Variants in NDUFS2 observed in about 807,000 individuals in gnomAD.
NDUFS2 encodes NADH dehydrogenase [ubiquinone] iron-sulfur protein 2, mitochondrial.
Under a neutral mutation model 69.6 loss-of-function variants are expected in NDUFS2, and 38 were observed. The observed-to-expected ratio is 0.55, with a 90% CI of 0.42 to 0.72. The LOEUF (loss-of-function observed/expected upper bound fraction) is 0.72, where lower values mean the gene tolerates loss of function less well. Ranked by LOEUF, NDUFS2 falls within the 30% of genes least tolerant of loss-of-function variation. The pLI is 0.00. For synonymous variants in NDUFS2, 194 were observed against 211.2 expected (o/e 0.92, Z 0.70); for missense variants, 468 against 595.0 (o/e 0.79, Z 2.22).
chr1:161,202,871 C>T (rs1665223292), intron 1 of NDUFS2, among the ~76,000 whole-genome samples: 1 of 152,132 alleles, frequency 6.6e-6, no homozygotes, highest in African/African-American at 2.4e-5. Flanking sequence ...TATGAAGAAG[C>T]TAGGATCCCA....
intron 2 of NDUFS2, among the ~76,000 whole-genome samples, chr1:161,206,174 A>AG (rs1398307803): frequency 3.3e-5 from 5 of 152,244 alleles, no homozygotes; most frequent in Admixed American, 2.0e-4. Flanking sequence ...ATGAAAAAAA[A>AG]AAAGGTATTC....
chr1:161,213,979 T>A (rs767002452), intron 13 of NDUFS2, 58 bp downstream of exon 13: 1 of 1,614,000 alleles, frequency 6.2e-7, no homozygotes, highest in Non-Finnish European at 8.5e-7. Context: ...GGACGCCCAC[T>A]GGGGACAGAA....
upstream of NDUFS2, chr1:161,198,020 G>A (rs2102019096): frequency 6.3e-7 from 1 of 1,576,614 alleles, no homozygotes; most frequent in Non-Finnish European, 8.6e-7. This position sits in a 1 kb window ranked among gnomAD's most constrained non-coding sequence, Gnocchi z 4.7. Flanking sequence ...TCTGGGGCTG[G>A]GGCTTCCAAG....
chr1:161,210,828 T>G, intron 9 of NDUFS2, 118 bp downstream of exon 9: 1 of 1,464,630 alleles, frequency 6.8e-7, no homozygotes, highest in Non-Finnish European at 9.5e-7. Flanking sequence ...CTTGTGTGTG[T>G]TAGACGAGGT....
In NDUFS2 at chr1:161,213,926, G is replaced by C; in HGVS notation, c.1354+5G>C. 1 of 1,614,142 alleles carries C rather than the reference G, an allele frequency of 6.2e-7. No homozygotes were observed. Among genetic ancestry groups the C allele is most frequent in the Non-Finnish European group, 8.5e-7 (1 of 1,180,022 alleles). On this transcript the variant is annotated splice_donor_5th_base_variant and intron_variant, in intron 13 of 13. Coordinates refer to ENST00000676972, the MANE Select transcript of NDUFS2 (RefSeq NM_001377299.1). ...CAGATGTCGTTGCCATCATAGGTACGAGGCCTATTGTGTAGTAGAGGTATC... is the reference window on the plus strand; with the variant it reads ...CAGATGTCGTTGCCATCATAGGTACCAGGCCTATTGTGTAGTAGAGGTATC...
At position 161,206,582 on chromosome 1, in the gene NDUFS2, C is replaced by T. The variant is rs2102038027; in HGVS notation, c.378C>T (p.Tyr126=). The T allele has an allele frequency of 6.2e-7, 1 of 1,613,616 alleles. No homozygotes were observed. The highest frequency in any genetic ancestry group is 8.5e-7 in the Non-Finnish European group (1 of 1,180,004). Residue 126 remains tyrosine, a synonymous_variant, in exon 3 of 14, where the codon TAC becomes TAT. Transcript: ENST00000676972. The part of the protein sequence containing the change: ...LHRGTEKLIE[Y]KTYLQALPYF... ...GAGGCACTGAGAAGCTCATTGAATA[C>T]AAGACCTATCTTCAGGTGTGGGGGG...
intron 3 of NDUFS2, among the ~76,000 whole-genome samples, 162 bp from the exon 4 acceptor site, chr1:161,209,031 A>G (rs1174358334): frequency 2.0e-5 from 3 of 152,098 alleles, no homozygotes; most frequent in Non-Finnish European, 4.4e-5. Flanking sequence ...CTAGAATACT[A>G]CTGGTTTTTG....
chr1:161,205,760 C>G (rs1335817990), intron 2 of NDUFS2, among the ~76,000 whole-genome samples: 1 of 144,216 alleles, frequency 6.9e-6, no homozygotes, highest in African/African-American at 2.6e-5. Context: ...GAGTGAGACT[C>G]TGTCTCAAAA....
At position 161,202,370 on chromosome 1, in the gene NDUFS2, C is replaced by T. The variant is rs1665176858; in HGVS notation, c.-16C>T. 6.2e-7 allele frequency: 1 copy of T among 1,607,056 alleles called. No individual in the cohort carries two copies. The highest frequency in any genetic ancestry group is 1.3e-5 in the African/African-American group (1 of 74,974). ...TCCGCCCGGTTCTCCTTCCCGCAGTCTGCAGCCGGAGTAAGATGGCGGCGC... is the reference window on the plus strand; with the variant it reads ...TCCGCCCGGTTCTCCTTCCCGCAGTTTGCAGCCGGAGTAAGATGGCGGCGC... On this transcript the variant is annotated 5_prime_UTR_variant, in exon 1 of 14. Transcript: ENST00000676972.
intron 1 of NDUFS2, among the ~76,000 whole-genome samples, chr1:161,202,899 G>T (rs1191360099): frequency 6.6e-6 from 1 of 152,182 alleles, no homozygotes; most frequent in Non-Finnish European, 1.5e-5. Context: ...ATGCCCAGGG[G>T]TGATGGGTGG....
At chr1:161,209,751 C>A in intron 5 of NDUFS2, 106 bp from the exon 6 acceptor site, 3 of 1,328,086 alleles carry the variant, frequency 2.3e-6, no homozygotes, top group Non-Finnish European at 3.2e-6. Flanking sequence ...GAAACTATAT[C>A]ATGAGGGGTT....
rs774858255 is a variant in NDUFS2, at chr1:161,209,562, C to T, written c.594C>T (p.Thr198=). The change falls in exon 5 of 14, where the codon ACC becomes ACT. Residue 198 remains threonine (T), a synonymous_variant. Transcript: ENST00000676972. ...TTHALDLGAM[T]PFFWLFEERE... is the part of the protein sequence containing the mutation. ...ATGCCCTGGACCTTGGGGCCATGACCCCTTTCTTCTGGCTGTTTGAAGAAA... is the reference window on the plus strand; with the variant it reads ...ATGCCCTGGACCTTGGGGCCATGACTCCTTTCTTCTGGCTGTTTGAAGAAA... 6.2e-7 allele frequency: 1 copy of T among 1,613,072 alleles called. No homozygotes were observed. Among genetic ancestry groups the T allele is most frequent in the Non-Finnish European group, 8.5e-7 (1 of 1,179,984 alleles).
chr1:161,199,990 C>T (rs541874122), upstream of NDUFS2, among the ~76,000 whole-genome samples: 397 of 152,108 alleles, frequency 2.6e-3, 1 homozygote, highest in South Asian at 4.6e-3. Context: ...AAACCCTCCC[C>T]CAGCCTCAAG....
intron 10 of NDUFS2, 189 bp from the exon 11 acceptor site, chr1:161,213,191 C>T (rs1338761565): frequency 1.8e-5 from 10 of 559,748 alleles, no homozygotes; most frequent in Non-Finnish European, 3.0e-5. Context: ...GCGTGAGTCA[C>T]CGCACCCGGC....
chr1:161,211,031 C>A (rs140563837), intron 9 of NDUFS2, among the ~76,000 whole-genome samples: 54 of 152,270 alleles, frequency 3.5e-4, no homozygotes, highest in African/African-American at 1.3e-3. Flanking sequence ...TGAGCCACCA[C>A]GCTCAGCTAA....
chr1:161,198,316 G>A (rs750840569), upstream of NDUFS2: 15 of 1,613,328 alleles, frequency 9.3e-6, no homozygotes, highest in South Asian at 1.1e-4. The surrounding 1 kb of genome is among the most constrained non-coding windows in gnomAD (Gnocchi z 4.7). Context: ...TCAGCCCCTC[G>A]ACCTGCACAC....
rs1665945510 is a variant in NDUFS2 at position 161,214,388 on chromosome 1, G to A, written c.*195G>A. 1.4e-5 allele frequency: 9 copies of A among 628,488 alleles called. No individual in the cohort carries two copies. In the East Asian group the frequency reaches 2.5e-4, roughly 18 times the overall value. The allele number at this position is 628,488 out of a possible 1,614,324, so 38.9% of individuals were successfully genotyped here. ...TAAATTAGCCGTCTTGCGGCCCCTAGGCCTAAACTTCTGGTATCTTAGTGT... is the reference window on the plus strand; with the variant it reads ...TAAATTAGCCGTCTTGCGGCCCCTAAGCCTAAACTTCTGGTATCTTAGTGT... On this transcript the variant is annotated 3_prime_UTR_variant, in exon 14 of 14. Coordinates refer to ENST00000676972, the MANE Select transcript of NDUFS2 (RefSeq NM_001377299.1).
chr1:161,206,293 C>A, intron 2 of NDUFS2, 114 bp from the exon 3 acceptor site: 1 of 1,098,590 alleles, frequency 9.1e-7, no homozygotes, highest in Non-Finnish European at 1.4e-6. Flanking sequence ...AGGAAATTAA[C>A]AAAGTATGGA....
chr1:161,208,802 A>G (rs1049959816), intron 3 of NDUFS2, among the ~76,000 whole-genome samples: 1 of 152,248 alleles, frequency 6.6e-6, no homozygotes, highest in Non-Finnish European at 1.5e-5. Flanking sequence ...TTATTTTACC[A>G]CATTTTACTA....
Sources: gnomAD v4.1 joint callset for allele counts (sites outside exome capture counted in the v4.1 genomes callset) on GRCh38, gnomAD v4.1.1 for gene constraint, Gnocchi (gnomAD v3.1) non-coding constraint, MANE v1.5 for transcripts, NCBI Gene and HGNC (gene_info 2026-07-23, HGNC 2026-07-21) for gene names.